The following CFAP73 variants were observed in gnomAD, a reference collection of about 807,000 sequenced individuals.
CFAP73 encodes cilia and flagella associated protein 73, also known as cilia- and flagella-associated protein 73.
A neutral mutation model predicts 42.9 loss-of-function variants in CFAP73; 33 were observed. The observed-to-expected ratio is 0.77, with a 90% confidence interval of 0.58 to 1.03. CFAP73 has a LOEUF of 1.03. CFAP73 is among the 50% of genes least tolerant of loss of function. The pLI, the probability that CFAP73 is intolerant of heterozygous loss-of-function variation, is 0.00. For missense variants in CFAP73, 392 were observed against 411.9 expected (o/e 0.95, Z 0.42); for synonymous variants, 162 against 186.8 (o/e 0.87, Z 1.08).
Position 113,154,781 on chromosome 12 carries a change from C to G in CFAP73, c.690+146C>G. ...TAAGGAGGGGAATCTCAGGCATCACCGAGCCGTTTCGGGCATGAGGCCCCG... is the reference window on the plus strand; with the variant it reads ...TAAGGAGGGGAATCTCAGGCATCACGGAGCCGTTTCGGGCATGAGGCCCCG... On this transcript the variant is annotated intron_variant, in intron 5 of 7. Coordinates refer to ENST00000335621, the MANE Select transcript of CFAP73 (RefSeq NM_001144872.3). The surrounding 1 kb of genome is among the most constrained non-coding windows in gnomAD (Gnocchi z 4.7). 7.6e-7 allele frequency: 1 copy of G among 1,319,692 alleles called. No individual in the cohort carries two copies. The highest frequency in any genetic ancestry group is 1.5e-5 in the African/African-American group (1 of 64,660). 81.7% of individuals were successfully genotyped at this position (1,319,692 alleles called of 1,614,324 possible). A position where few individuals can be genotyped will look rare whatever the true frequency, so the allele number is the denominator to read the frequency against.
In CFAP73 at chr12:113,154,653, TG is replaced by T. The variant is rs1191408170; in HGVS notation, c.690+24del. 5.1e-6 allele frequency: 7 copies of T among 1,383,204 alleles called. No homozygotes were observed. Among genetic ancestry groups the T allele is most frequent in the Admixed American group, 3.7e-5 (1 of 26,982 alleles). The allele number at this position is 1,383,204 out of a possible 1,614,324, so 85.7% of individuals were successfully genotyped here. A position where few individuals can be genotyped will look rare whatever the true frequency, so the allele number is the denominator to read the frequency against. On this transcript the variant is annotated intron_variant, in intron 5 of 7. Transcript: ENST00000335621. This position sits in a 1 kb window ranked among gnomAD's most constrained non-coding sequence, Gnocchi z 4.7. ...TGCAGTGGGTACGACCCGCCCTAGG[TG>T]GGGGGCGCTCCGGACCCCAGGCTTC...
Position 113,159,080 on chromosome 12 carries a change from G to A in CFAP73, c.*391G>A, listed in dbSNP as rs762526913. The A allele has an allele frequency of 6.2e-7, 1 of 1,606,198 alleles. No homozygotes were observed. Among genetic ancestry groups the A allele is most frequent in the Non-Finnish European group, 8.5e-7 (1 of 1,177,300 alleles). The stretch of plus-strand genomic sequence containing the variant: ...AGTTCCGGGCGGACTCGGCCTGCAG[G>A]GGTGCCTGGGGCGTGGGGCCGGGAT... On this transcript the variant is annotated 3_prime_UTR_variant, in exon 8 of 8. Coordinates refer to ENST00000335621, the MANE Select transcript of CFAP73 (RefSeq NM_001144872.3).
chr12:113,151,557 C>G (rs1009989983), intron 1 of CFAP73, among the ~76,000 whole-genome samples: 1 of 152,136 alleles, frequency 6.6e-6, no homozygotes, highest in Non-Finnish European at 1.5e-5. Context: ...CTTTGGGAGG[C>G]TGAGGCAGGA....
At position 113,158,711 on chromosome 12, in the gene CFAP73, C is replaced by T; in HGVS notation, c.*22C>T. 1 of 746,650 alleles carries T rather than the reference C, an allele frequency of 1.3e-6. No individual in the cohort carries two copies. Among genetic ancestry groups the T allele is most frequent in the Non-Finnish European group, 2.1e-6 (1 of 474,748 alleles). The allele number at this position is 746,650 out of a possible 1,614,324, so 46.3% of individuals were successfully genotyped here. A position where few individuals can be genotyped will look rare whatever the true frequency, so the allele number is the denominator to read the frequency against. ...ATGTCTCTGTCTTAGGCTGACGCAG[C>T]TGCTGCCCTTCTGTGGCCATACAGT... On this transcript the variant is annotated 3_prime_UTR_variant, in exon 8 of 8. Coordinates refer to ENST00000335621, the MANE Select transcript of CFAP73 (RefSeq NM_001144872.3). This position sits in a 1 kb window ranked among gnomAD's most constrained non-coding sequence, Gnocchi z 4.9.
chr12:113,151,833 A>C (rs1219654650), intron 1 of CFAP73, 85 bp from the exon 2 acceptor site: 1 of 874,074 alleles, frequency 1.1e-6, no homozygotes, highest in Non-Finnish European at 1.7e-6. Flanking sequence ...GCAGGTGGCT[A>C]ATGGGGCACT....
Position 113,158,055 on chromosome 12 carries a change from A to C in CFAP73, c.*11+365A>C. 4.8e-6 allele frequency: 1 copy of C among 208,378 alleles called. No individual in the cohort carries two copies. Among genetic ancestry groups the C allele is most frequent in the Non-Finnish European group, 9.8e-6 (1 of 102,294 alleles). The allele number at this position is 208,378 out of a possible 1,614,324, so 12.9% of individuals were successfully genotyped here. ...ATCACCAAGGCCCCCTCCACTATGG[A>C]CTCTGCCAGGTGAGGGGCCCAGCCT... On this transcript the variant is annotated intron_variant, in intron 7 of 7. Transcript: ENST00000335621. This position sits in a 1 kb window ranked among gnomAD's most constrained non-coding sequence, Gnocchi z 4.9.
In CFAP73 at chr12:113,154,419, A is replaced by G. The variant is rs1370858306; in HGVS notation, c.474A>G (p.Gln158=). Residue 158 remains glutamine, a synonymous_variant, in exon 5 of 8, where the codon CAA becomes CAG. Transcript: ENST00000335621. This position sits in a 1 kb window ranked among gnomAD's most constrained non-coding sequence, Gnocchi z 4.7. ...EQALELLPGF[Q]EVPELVARFD... ...TTCCCCGCCCCCGACTCTAGTTCCAAGAGGTTCCGGAGCTGGTGGCGCGCT... is the reference window on the plus strand; with the variant it reads ...TTCCCCGCCCCCGACTCTAGTTCCAGGAGGTTCCGGAGCTGGTGGCGCGCT... 6.5e-7 allele frequency: 1 copy of G among 1,548,218 alleles called. No homozygotes were observed. Among genetic ancestry groups the G allele is most frequent in the Non-Finnish European group, 8.7e-7 (1 of 1,145,954 alleles).
Position 113,154,427 on chromosome 12 carries a change from C to G in CFAP73, c.482C>G (p.Pro161Arg). The G allele has an allele frequency of 1.3e-6, 2 of 1,547,820 alleles. No homozygotes were observed. Among genetic ancestry groups the G allele is most frequent in the Admixed American group, 2.0e-5 (1 of 50,894 alleles). The change falls in exon 5 of 8, where the codon CCG becomes CGG. Residue 161 changes from proline (P) to arginine (R), a missense_variant. By Grantham distance (103) the Pro-to-Arg change is moderately radical. Coordinates refer to ENST00000335621, the MANE Select transcript of CFAP73 (RefSeq NM_001144872.3). The surrounding 1 kb of genome is among the most constrained non-coding windows in gnomAD (Gnocchi z 4.7). ...LELLPGFQEV[P>R]ELVARFDGLA... ...CCCCGACTCTAGTTCCAAGAGGTTC[C>G]GGAGCTGGTGGCGCGCTTCGACGGC...
chr12:113,153,668 C>T (rs1952087682), intron 4 of CFAP73, among the ~76,000 whole-genome samples: 1 of 152,214 alleles, frequency 6.6e-6, no homozygotes, highest in Admixed American at 6.5e-5. Flanking sequence ...TCACGGCTCA[C>T]TGCAGCCTCG....
At chr12:113,157,543 G>A in intron 6 of CFAP73, 59 bp from the exon 7 acceptor site, 1 of 1,426,838 alleles carries the variant, frequency 7.0e-7, no homozygotes, top group Non-Finnish European at 9.7e-7. Flanking sequence ...CGTGTTGAGG[G>A]GTGGGGGCTG....
Position 113,158,781 on chromosome 12 carries a change from G to T in CFAP73, c.*92G>T. Reference sequence around the variant, plus strand: ...GGCTCCTGCAGGGAGTGCCCCCAGTGCCCAGCACAGGGCCAGGCACACAGT... The same window carrying T: ...GGCTCCTGCAGGGAGTGCCCCCAGTTCCCAGCACAGGGCCAGGCACACAGT... On this transcript the variant is annotated 3_prime_UTR_variant, in exon 8 of 8. Transcript: ENST00000335621. The surrounding 1 kb of genome is among the most constrained non-coding windows in gnomAD (Gnocchi z 4.9). 1 of 1,358,370 alleles carries T rather than the reference G, an allele frequency of 7.4e-7. No homozygotes were observed. Among genetic ancestry groups the T allele is most frequent in the Non-Finnish European group, 9.9e-7 (1 of 1,006,596 alleles). 84.1% of individuals were successfully genotyped at this position (1,358,370 alleles called of 1,614,324 possible).
chr12:113,158,621 A>G lies in CFAP73; in HGVS notation c.*12-80A>G, dbSNP rs565984923. ...GGAAGCAGCAGCAGCTGAGTTGCCA[A>G]CTCAAGTCTTGGCCTGCCTGGCTTT... On this transcript the variant is annotated intron_variant, in intron 7 of 7. Transcript: ENST00000335621. The surrounding 1 kb of genome is among the most constrained non-coding windows in gnomAD (Gnocchi z 4.9). The G allele has an allele frequency of 5.0e-4, 233 of 464,974 alleles. No homozygotes were observed. Among genetic ancestry groups the G allele is most frequent in the Admixed American group, 7.2e-4 (17 of 23,582 alleles). 28.8% of individuals were successfully genotyped at this position (464,974 alleles called of 1,614,324 possible). A position where few individuals can be genotyped will look rare whatever the true frequency, so the allele number is the denominator to read the frequency against.
At chr12:113,155,075 G>A (rs1406055223) in intron 5 of CFAP73, among the ~76,000 whole-genome samples, 185 bp from the exon 6 acceptor site, 2 of 152,094 alleles carry the variant, frequency 1.3e-5, no homozygotes, top group East Asian at 3.9e-4. Flanking sequence ...GAGGCTGAAG[G>A]AGGAGAATCG....
In CFAP73 at chr12:113,155,396, A is replaced by T. The variant is rs1292765710; in HGVS notation, c.827A>T (p.Asp276Val). The T allele has an allele frequency of 6.4e-7, 1 of 1,550,702 alleles. No individual in the cohort carries two copies. Among genetic ancestry groups the T allele is most frequent in the South Asian group, 1.2e-5 (1 of 83,970 alleles). ...CAGCCTCCCACCCTGGACATCGAGGACACGGAGGGACAGCTAGAGCACGTG... is the reference window on the plus strand; with the variant it reads ...CAGCCTCCCACCCTGGACATCGAGGTCACGGAGGGACAGCTAGAGCACGTG... Reference protein sequence around the residue: ...QGQPPTLDIEDTEGQLEHVKL... With the variant: ...QGQPPTLDIEVTEGQLEHVKL... The change falls in exon 6 of 8, where the codon GAC becomes GTC. Residue 276 changes from aspartate to valine, a missense_variant. By Grantham distance (152) the Asp-to-Val change is radical. Coordinates refer to ENST00000335621, the MANE Select transcript of CFAP73 (RefSeq NM_001144872.3).
intron 7 of CFAP73, chr12:113,157,895 G>A (rs1592993827): frequency 1.7e-6 from 1 of 590,718 alleles, no homozygotes; most frequent in Non-Finnish European, 3.0e-6. Flanking sequence ...AGGAGGTGAT[G>A]GGAAGGTCAA....
intron 3 of CFAP73, 27 bp downstream of exon 3, chr12:113,152,914 C>T (rs1483666567): frequency 2.0e-6 from 3 of 1,481,014 alleles, no homozygotes; most frequent in East Asian, 2.5e-5. Flanking sequence ...GGGGGGGAGG[C>T]GGGGCCTATG....
In CFAP73 at chr12:113,157,607, G is replaced by C. The variant is rs1176424840; in HGVS notation, c.855G>C (p.Lys285Asn). The C allele has an allele frequency of 1.9e-6, 3 of 1,551,676 alleles. No individual in the cohort carries two copies. The highest frequency in any genetic ancestry group is 1.7e-6 in the Non-Finnish European group (2 of 1,146,980). The change falls in exon 7 of 8, where the codon AAG (lysine) becomes AAC (asparagine). Residue 285 changes from lysine to asparagine, a missense_variant. By Grantham distance (94) the Lys-to-Asn change is moderately conservative (BLOSUM62 0). Coordinates refer to ENST00000335621, the MANE Select transcript of CFAP73 (RefSeq NM_001144872.3). The part of the protein sequence containing the change: ...EDTEGQLEHV[K>N]LFMQDLSAML... ...TTCGTGCTGGGCCCCCCCAGGTGAA[G>C]CTGTTCATGCAGGACCTCTCTGCCA...
At chr12:113,153,565 A>T (rs1451441031) in intron 4 of CFAP73, among the ~76,000 whole-genome samples, 157 bp downstream of exon 4, 1 of 152,166 alleles carries the variant, frequency 6.6e-6, no homozygotes, top group Non-Finnish European at 1.5e-5. Context: ...CACTGTAAGC[A>T]AGGGATACGC....
In CFAP73 at chr12:113,155,423, G is replaced by C. The variant is rs969615323; in HGVS notation, c.849+5G>C. The stretch of plus-strand genomic sequence containing the variant: ...ACGGAGGGACAGCTAGAGCACGTGA[G>C]GACCCCTCTTTATGGCACCTCCAGC... On this transcript the variant is annotated splice_donor_5th_base_variant and intron_variant, in intron 6 of 7. Transcript: ENST00000335621. The C allele has an allele frequency of 2.6e-6, 4 of 1,538,984 alleles. No homozygotes were observed. In the African/African-American group the frequency reaches 5.5e-5, roughly 21 times the overall value.
Sources: gnomAD v4.1 joint callset for allele counts (sites outside exome capture counted in the v4.1 genomes callset) on GRCh38, gnomAD v4.1.1 for gene constraint, Gnocchi (gnomAD v3.1) non-coding constraint, MANE v1.5 for transcripts, NCBI Gene and HGNC (gene_info 2026-07-23, HGNC 2026-07-21) for gene names.